WWTR1: variants seen among roughly 807,000 people sequenced by gnomAD.
The protein encoded by WWTR1 is WW domain containing transcription regulator 1, also known as WW domain-containing transcription regulator protein 1.
A neutral mutation model predicts 40.1 loss-of-function variants in WWTR1; 13 were observed. The observed-to-expected ratio is 0.32, with a 90% CI of 0.21 to 0.52. WWTR1 has a LOEUF of 0.52. Among genes scored for constraint, WWTR1 ranks in the 20% least tolerant of loss-of-function variants. The probability of loss-of-function intolerance (pLI) is 0.97; values close to 1 mark genes in which losing one functional copy is unlikely to be tolerated. For missense variants in WWTR1, 436 were observed against 523.1 expected (o/e 0.83, Z 1.63); for synonymous variants, 230 against 210.1 (o/e 1.09, Z -0.82).
intron 1 of WWTR1, among the ~76,000 whole-genome samples, chr3:149,691,702 C>T (rs1009572447): frequency 6.6e-6 from 1 of 152,076 alleles, no homozygotes; most frequent in Non-Finnish European, 1.5e-5. Context: ...TCTATGGCTT[C>T]GCTGCTAATT....
In WWTR1 at chr3:149,517,704, G is replaced by A. The variant is rs767541662; in HGVS notation, c.*3101C>T. The A allele has an allele frequency of 1.3e-5, 2 of 152,148 alleles. No individual in the cohort carries two copies. Among genetic ancestry groups the A allele is most frequent in the Non-Finnish European group, 2.9e-5 (2 of 68,012 alleles). The allele number at this position is 152,148 out of a possible 1,614,324, so 9.4% of individuals were successfully genotyped here. A position where few individuals can be genotyped will look rare whatever the true frequency, so the allele number is the denominator to read the frequency against. ...GTTTCCTGTATATGGTGTAATCAGT[G>A]AAAGAAATGGCATTTCACATCCTAA... On this transcript the variant is annotated 3_prime_UTR_variant, in exon 7 of 7. Transcript: ENST00000360632.
At chr3:149,573,793 T>C (rs1737756207) in intron 2 of WWTR1, among the ~76,000 whole-genome samples, 1 of 152,188 alleles carries the variant, frequency 6.6e-6, no homozygotes, top group Admixed American at 6.5e-5. Flanking sequence ...AAACATGAGC[T>C]TCTGCTCAGA....
In WWTR1 at chr3:149,518,232, A is replaced by T. The variant is rs1434449273; in HGVS notation, c.*2573T>A. 6 of 152,166 alleles carry T rather than the reference A, an allele frequency of 3.9e-5. 1 individual carries two copies. Among genetic ancestry groups the T allele is most frequent in the Admixed American group, 3.9e-4 (6 of 15,288 alleles). The allele number at this position is 152,166 out of a possible 1,614,324, so 9.4% of individuals were successfully genotyped here. On this transcript the variant is annotated 3_prime_UTR_variant, in exon 7 of 7. Transcript: ENST00000360632. Reference sequence around the variant, plus strand: ...TATTCATTCATAAATGTTCTAACTAATTTAACTAAAAAAATCTTCTAGTAT... The same window carrying T: ...TATTCATTCATAAATGTTCTAACTATTTTAACTAAAAAAATCTTCTAGTAT...
chr3:149,607,867 C>G (rs1029659836), intron 2 of WWTR1, among the ~76,000 whole-genome samples: 16 of 151,710 alleles, frequency 1.1e-4, no homozygotes, highest in African/African-American at 3.6e-4. Context: ...ATAACTGAAA[C>G]AAAAAAAGAA....
At chr3:149,658,433 C>G (rs1156812181), upstream of WWTR1, 1 of 152,352 alleles carries the variant, frequency 6.6e-6, no homozygotes, top group Non-Finnish European at 1.5e-5. Flanking sequence ...AGGGCCGGTC[C>G]TGGACACCGC....
chr3:149,636,430 G>T (rs750764632), intron 2 of WWTR1, among the ~76,000 whole-genome samples: 75 of 152,194 alleles, frequency 4.9e-4, no homozygotes, highest in Non-Finnish European at 2.6e-4. Flanking sequence ...GTGGAATGTG[G>T]AAATAATCTG....
At chr3:149,542,634 C>T (rs1172296002) in intron 3 of WWTR1, 97 bp from the exon 4 acceptor site, 2 of 1,237,822 alleles carry the variant, frequency 1.6e-6, no homozygotes, top group Non-Finnish European at 2.2e-6. Flanking sequence ...AGTATAGATT[C>T]CTGAGATTCC....
chr3:149,548,827 T>G (rs1428269043), intron 3 of WWTR1, among the ~76,000 whole-genome samples: 1 of 152,178 alleles, frequency 6.6e-6, no homozygotes, highest in Non-Finnish European at 1.5e-5. Flanking sequence ...TTGAGGTGAA[T>G]TTTTTAGAAT....
At chr3:149,629,978 C>T (rs1045282110) in intron 2 of WWTR1, among the ~76,000 whole-genome samples, 1 of 152,072 alleles carries the variant, frequency 6.6e-6, no homozygotes, top group Non-Finnish European at 1.5e-5. Flanking sequence ...TCCCCGGTAG[C>T]TGGGACTACA....
chr3:149,591,837 C>T (rs894473443), intron 2 of WWTR1, among the ~76,000 whole-genome samples: 14 of 152,058 alleles, frequency 9.2e-5, no homozygotes, highest in African/African-American at 1.7e-4. Flanking sequence ...TACAAAAGTG[C>T]GGGAAAATGT....
intron 1 of WWTR1, among the ~76,000 whole-genome samples, chr3:149,694,321 G>A (rs1276578919): frequency 1.3e-5 from 2 of 152,204 alleles, no homozygotes; most frequent in African/African-American, 4.8e-5. Context: ...TTGAACCCGG[G>A]AGGCAGAGGT....
At chr3:149,647,261 G>A (rs1285842593) in intron 2 of WWTR1, among the ~76,000 whole-genome samples, 3 of 152,202 alleles carry the variant, frequency 2.0e-5, no homozygotes, top group Middle Eastern at 3.4e-3. Context: ...CTTATTTTAG[G>A]TTCTTGGTAT....
chr3:149,535,580 G>C (rs1434864774), intron 4 of WWTR1, among the ~76,000 whole-genome samples: 1 of 151,806 alleles, frequency 6.6e-6, no homozygotes, highest in Non-Finnish European at 1.5e-5. Flanking sequence ...TATTATCTAT[G>C]GTCTATTTGT....
chr3:149,599,750 A>G (rs1016845075), intron 2 of WWTR1, among the ~76,000 whole-genome samples: 1 of 152,216 alleles, frequency 6.6e-6, no homozygotes, highest in Non-Finnish European at 1.5e-5. Context: ...CAAGGCAATA[A>G]TATCTACTTT....
At chr3:149,621,547 A>C (rs1740272289) in intron 2 of WWTR1, among the ~76,000 whole-genome samples, 1 of 152,172 alleles carries the variant, frequency 6.6e-6, no homozygotes, top group Admixed American at 6.5e-5. Context: ...TGTGTTAATC[A>C]AGGTAACCAG....
At chr3:149,679,878 C>A (rs1714397761) in intron 1 of WWTR1, among the ~76,000 whole-genome samples, 1 of 152,184 alleles carries the variant, frequency 6.6e-6, no homozygotes, top group African/African-American at 2.4e-5. Context: ...GGGCTGATTT[C>A]TCAAGCTTTG....
chr3:149,711,512 T>A (rs1715477766), intron 5 of WWTR1, among the ~76,000 whole-genome samples: 1 of 152,170 alleles, frequency 6.6e-6, no homozygotes. Context: ...TAAAGAACAA[T>A]CTAGCCAGCT....
At chr3:149,657,546 G>T in intron 1 of WWTR1, 1 of 552,790 alleles carries the variant, frequency 1.8e-6, no homozygotes, top group Non-Finnish European at 3.2e-6. Flanking sequence ...AAGTTGCCTG[G>T]AGGAGGAGAA....
intron 2 of WWTR1, among the ~76,000 whole-genome samples, chr3:149,588,545 CA>C (rs2108025276): frequency 6.6e-6 from 1 of 152,196 alleles, no homozygotes; most frequent in African/African-American, 2.4e-5. Context: ...ACTGAACAGA[CA>C]TGATAAATTA....
Sources: allele counts gnomAD v4.1 joint callset (sites outside exome capture counted in the v4.1 genomes callset), GRCh38; gene constraint gnomAD v4.1.1; transcripts MANE v1.5; gene names NCBI Gene and HGNC (gene_info 2026-07-23, HGNC 2026-07-21).